DYNC1I1: variants seen among roughly 807,000 people sequenced by gnomAD.
DYNC1I1 encodes the protein dynein cytoplasmic 1 intermediate chain 1.
Under a neutral mutation model 86.6 loss-of-function variants are expected in DYNC1I1, and 43 were observed. The ratio of observed to expected loss-of-function variants is 0.50; its 90% CI spans 0.39 to 0.64. The LOEUF (loss-of-function observed/expected upper bound fraction) is 0.64, where lower values mean the gene tolerates loss of function less well. Ranked by LOEUF, DYNC1I1 falls within the 30% of genes least tolerant of loss-of-function variation. The pLI, the probability that DYNC1I1 is intolerant of heterozygous loss-of-function variation, is 0.00. For synonymous variants in DYNC1I1, 262 were observed against 283.7 expected, an observed-to-expected ratio of 0.92 and a Z score of 0.77; for missense variants, 604 against 788.8, an observed-to-expected ratio of 0.77 and a Z score of 2.81.
At chr7:95,983,648 T>A (rs950653240) in intron 7 of DYNC1I1, among the ~76,000 whole-genome samples, 1 of 152,138 alleles carries the variant, frequency 6.6e-6, no homozygotes, top group African/African-American at 2.4e-5. Context: ...ATGTAACACT[T>A]TCATAAAATA....
chr7:95,998,898 C>A (rs1793940047), intron 10 of DYNC1I1, among the ~76,000 whole-genome samples: 1 of 152,176 alleles, frequency 6.6e-6, no homozygotes, highest in Non-Finnish European at 1.5e-5. Context: ...AAGCTTTTTG[C>A]CTACTCATAA....
At chr7:95,845,255 A>C (rs1355917193) in intron 5 of DYNC1I1, among the ~76,000 whole-genome samples, 1 of 152,240 alleles carries the variant, frequency 6.6e-6, no homozygotes, top group Non-Finnish European at 1.5e-5. Flanking sequence ...TGGTGAAATA[A>C]AGAGATCACT....
intron 4 of DYNC1I1, 41 bp downstream of exon 4, chr7:95,813,378 TA>T (rs35397709): frequency 0.062 from 84,087 of 1,350,948 alleles, 3 homozygotes; most frequent in South Asian, 0.08. Context: ...GGGTGTCAAT[TA>T]AAAAAAAAAA....
chr7:95,902,210 C>T (rs1791055529), intron 6 of DYNC1I1, among the ~76,000 whole-genome samples: 1 of 152,162 alleles, frequency 6.6e-6, no homozygotes, highest in East Asian at 1.9e-4. Context: ...TGCATGCTGA[C>T]TTCTTGTTCT....
At chr7:95,804,677 AG>A (rs1429172438) in intron 1 of DYNC1I1, 43 bp from the exon 2 acceptor site, 5 of 1,496,342 alleles carry the variant, frequency 3.3e-6, no homozygotes, top group Admixed American at 2.4e-5. Flanking sequence ...TATACAGAAA[AG>A]TTATTTATAT....
At chr7:95,975,386 C>G (rs1430223968) in intron 6 of DYNC1I1, among the ~76,000 whole-genome samples, 1 of 152,158 alleles carries the variant, frequency 6.6e-6, no homozygotes, top group African/African-American at 2.4e-5. Flanking sequence ...AATCTGTTCT[C>G]CTAACTTCCG....
chr7:96,034,472 G>GTATA (rs1478500051), intron 12 of DYNC1I1, among the ~76,000 whole-genome samples: 1 of 152,156 alleles, frequency 6.6e-6, no homozygotes, highest in Non-Finnish European at 1.5e-5. Context: ...ATACAAAGAT[G>GTATA]GAGGATTTCG....
chr7:95,965,539 T>G (rs748044834), intron 6 of DYNC1I1, among the ~76,000 whole-genome samples: 1 of 152,156 alleles, frequency 6.6e-6, no homozygotes, highest in Non-Finnish European at 1.5e-5. Context: ...GGAGAGTAAT[T>G]CTGTTATTTA....
chr7:95,858,775 C>A (rs1789794786), intron 5 of DYNC1I1, among the ~76,000 whole-genome samples: 1 of 151,332 alleles, frequency 6.6e-6, no homozygotes, highest in South Asian at 2.1e-4. Flanking sequence ...GCTTTCTACC[C>A]TTTTATCTTT....
intron 16 of DYNC1I1, among the ~76,000 whole-genome samples, chr7:96,109,763 C>T (rs964401970): frequency 6.6e-6 from 1 of 151,912 alleles, no homozygotes; most frequent in Non-Finnish European, 1.5e-5. Flanking sequence ...GTATATAATT[C>T]CAATCTTTTT....
chr7:96,045,950 A>C (rs945273014), intron 14 of DYNC1I1, among the ~76,000 whole-genome samples: 1 of 152,198 alleles, frequency 6.6e-6, no homozygotes, highest in Non-Finnish European at 1.5e-5. Context: ...ATCGTTACAT[A>C]TTCTAGCACA....
At chr7:95,930,849 G>T (rs1340788324) in intron 6 of DYNC1I1, among the ~76,000 whole-genome samples, 1 of 152,158 alleles carries the variant, frequency 6.6e-6, no homozygotes, top group Non-Finnish European at 1.5e-5. Flanking sequence ...TGGAGAGGTT[G>T]GTTGCTCCAT....
chr7:96,100,117 C>T (rs1285089658), downstream of DYNC1I1, among the ~76,000 whole-genome samples: 1 of 152,152 alleles, frequency 6.6e-6, no homozygotes, highest in African/African-American at 2.4e-5. Flanking sequence ...AAACCCATTA[C>T]CAAGTTTGAC....
intron 4 of DYNC1I1, chr7:95,818,910 C>A (rs752323242): frequency 6.1e-6 from 1 of 164,194 alleles, no homozygotes. Context: ...CTAGTATCTA[C>A]ACTATCTTCA....
chr7:96,049,751 G>C (rs932257171), intron 14 of DYNC1I1, among the ~76,000 whole-genome samples: 1 of 152,090 alleles, frequency 6.6e-6, no homozygotes, highest in African/African-American at 2.4e-5. Flanking sequence ...CAGTATAGTG[G>C]TGGGGCACAG....
At chr7:95,988,156 C>A (rs548521548) in intron 9 of DYNC1I1, among the ~76,000 whole-genome samples, 1 of 152,102 alleles carries the variant, frequency 6.6e-6, no homozygotes, top group Non-Finnish European at 1.5e-5. Context: ...GCGGGTGGAT[C>A]GCTTGAGGTC....
At chr7:95,793,506 T>G (rs1008359868) in intron 1 of DYNC1I1, among the ~76,000 whole-genome samples, 2 of 152,076 alleles carry the variant, frequency 1.3e-5, no homozygotes, top group African/African-American at 2.4e-5. Flanking sequence ...GTCTAGGTGA[T>G]GTTGCTCAGC....
chr7:95,911,144 T>TA (rs959171630), intron 6 of DYNC1I1, among the ~76,000 whole-genome samples: 10 of 151,932 alleles, frequency 6.6e-5, no homozygotes, highest in African/African-American at 2.2e-4. Flanking sequence ...AGACACAGTA[T>TA]AAAAAAATAG....
intron 16 of DYNC1I1, among the ~76,000 whole-genome samples, chr7:96,108,144 C>A (rs1333932660): frequency 6.6e-6 from 1 of 151,754 alleles, no homozygotes; most frequent in Non-Finnish European, 1.5e-5. Context: ...TGAGACTTTA[C>A]AAAAAAATGA....
Sources: allele counts gnomAD v4.1 joint callset (sites outside exome capture counted in the v4.1 genomes callset), GRCh38; gene constraint gnomAD v4.1.1; transcripts MANE v1.5; gene names NCBI Gene and HGNC (gene_info 2026-07-23, HGNC 2026-07-21).